PDIA5: variants seen among roughly 807,000 people sequenced by gnomAD.
PDIA5 encodes the protein protein disulfide-isomerase A5.
PDIA5 carries 58 observed loss-of-function variants against 77.6 expected under a neutral mutation model. The observed-to-expected ratio is 0.75, with a 90% CI of 0.61 to 0.93. PDIA5 has a LOEUF of 0.93. PDIA5 is among the 40% of genes least tolerant of loss of function. PDIA5 has a pLI of 0.00. For synonymous variants in PDIA5, 250 were observed against 252.1 expected (o/e 0.99, Z 0.08); for missense variants, 630 against 647.7 (o/e 0.97, Z 0.30).
chr3:123,129,592 TTAAGGTGC>T (rs1361789323), intron 10 of PDIA5, among the ~76,000 whole-genome samples: 23 of 152,340 alleles, frequency 1.5e-4, no homozygotes, highest in Non-Finnish European at 4.4e-5. Flanking sequence ...AAAGCTGCAA[TTAAGGTGC>T]TCTGGCAAAG....
chr3:123,139,773 A>G (rs957801143), intron 11 of PDIA5, among the ~76,000 whole-genome samples: 2 of 152,192 alleles, frequency 1.3e-5, no homozygotes, highest in Non-Finnish European at 2.9e-5. Flanking sequence ...TTGTGTGTAC[A>G]GGTGTAAACC....
At chr3:123,115,329 A>T (rs529510485) in intron 7 of PDIA5, among the ~76,000 whole-genome samples, 1 of 152,304 alleles carries the variant, frequency 6.6e-6, no homozygotes, top group East Asian at 1.9e-4. Flanking sequence ...AAGGAGTTTA[A>T]GGTCACTCTA....
At chr3:123,092,688 T>G (rs1934328825) in intron 3 of PDIA5, among the ~76,000 whole-genome samples, 1 of 152,126 alleles carries the variant, frequency 6.6e-6, no homozygotes, top group African/African-American at 2.4e-5. Flanking sequence ...TTTCTTCTAT[T>G]TCCATGTGTT....
chr3:123,106,533 G>T (rs559919320), intron 5 of PDIA5, among the ~76,000 whole-genome samples: 1 of 152,166 alleles, frequency 6.6e-6, no homozygotes, highest in East Asian at 1.9e-4. Context: ...GAAAAAGCCC[G>T]ATGGGAGTGG....
intron 10 of PDIA5, among the ~76,000 whole-genome samples, chr3:123,129,571 AG>A (rs1339962973): frequency 3.9e-5 from 6 of 152,198 alleles, no homozygotes; most frequent in African/African-American, 2.4e-5. Flanking sequence ...GTCATCCTTG[AG>A]GGTTTTTTCA....
At chr3:123,124,412 C>T (rs1185532697) in intron 10 of PDIA5, 69 bp downstream of exon 10, 18 of 1,105,042 alleles carry the variant, frequency 1.6e-5, no homozygotes, top group East Asian at 7.0e-5. Context: ...GCCTGAGGGT[C>T]GCAGGGCTCT....
In PDIA5 at chr3:123,109,358, A is replaced by C. The variant is rs545169124; in HGVS notation, c.481-1586A>C. ...TCAGGGTATGAAACCAAATTGCTATAGGCTCAATAAAAATCTCTTCTCAGG... is the reference window on the plus strand; with the variant it reads ...TCAGGGTATGAAACCAAATTGCTATCGGCTCAATAAAAATCTCTTCTCAGG... On this transcript the variant is annotated intron_variant, in intron 6 of 16. Transcript: ENST00000316218. Among the ~76,000 whole-genome samples the C allele has an allele frequency of 3.9e-5, 6 of 152,360 alleles. No homozygotes were observed. The South Asian group carries it at 1.2e-3, about 32-fold the overall frequency.
chr3:123,151,537 C>T (rs1935891927), intron 14 of PDIA5, among the ~76,000 whole-genome samples: 1 of 152,212 alleles, frequency 6.6e-6, no homozygotes, highest in Non-Finnish European at 1.5e-5. Flanking sequence ...AAATACTTTC[C>T]CCCAGACCTC....
intron 7 of PDIA5, among the ~76,000 whole-genome samples, chr3:123,114,929 C>G (rs1934959679): frequency 6.6e-6 from 1 of 152,184 alleles, no homozygotes; most frequent in Non-Finnish European, 1.5e-5. Flanking sequence ...CAGGAGGGGG[C>G]TGTGGGGCAG....
intron 10 of PDIA5, among the ~76,000 whole-genome samples, chr3:123,129,695 G>T (rs906003844): frequency 1.3e-5 from 2 of 152,160 alleles, no homozygotes; most frequent in Non-Finnish European, 2.9e-5. Context: ...GGGCCCCTGC[G>T]AGCCTCCCTC....
chr3:123,157,376 T>C (rs1290594925), intron 15 of PDIA5, among the ~76,000 whole-genome samples: 1 of 152,080 alleles, frequency 6.6e-6, no homozygotes, highest in Non-Finnish European at 1.5e-5. Flanking sequence ...AAATTTGTGG[T>C]TTTTAAGAGC....
intron 7 of PDIA5, 72 bp from the exon 8 acceptor site, chr3:123,116,159 G>A: frequency 8.2e-7 from 1 of 1,221,268 alleles, no homozygotes; most frequent in Non-Finnish European, 1.2e-6. Flanking sequence ...ATGGCCATGG[G>A]GAGGCAGGGC....
chr3:123,079,353 TGTATTTTTA>T (rs1348042163), intron 1 of PDIA5, among the ~76,000 whole-genome samples: 11 of 152,036 alleles, frequency 7.2e-5, no homozygotes, highest in Admixed American at 7.2e-4. Context: ...GCTAATTTTT[TGTATTTTTA>T]GTAGAGACGG....
intron 11 of PDIA5, among the ~76,000 whole-genome samples, chr3:123,141,493 C>T (rs1341732616): frequency 6.6e-6 from 1 of 152,172 alleles, no homozygotes; most frequent in Non-Finnish European, 1.5e-5. Flanking sequence ...AACTCTCGGG[C>T]GATAGACTCA....
chr3:123,077,004 T>A (rs1933873981), intron 1 of PDIA5, among the ~76,000 whole-genome samples: 1 of 152,240 alleles, frequency 6.6e-6, no homozygotes, highest in Non-Finnish European at 1.5e-5. Context: ...GGGGAGACAC[T>A]GTGCTGCGTA....
intron 1 of PDIA5, among the ~76,000 whole-genome samples, chr3:123,069,867 A>T (rs190544464): frequency 2.0e-5 from 3 of 152,220 alleles, no homozygotes; most frequent in Admixed American, 6.5e-5. Context: ...AGGCGGGTGG[A>T]TCACCTGAGG....
chr3:123,154,581 A>G (rs1935977771), intron 14 of PDIA5, among the ~76,000 whole-genome samples: 1 of 151,938 alleles, frequency 6.6e-6, no homozygotes, highest in African/African-American at 2.4e-5. Context: ...GAGATTTGCT[A>G]TTGTCCCTGG....
chr3:123,080,949 T>C (rs1372284565), intron 1 of PDIA5, among the ~76,000 whole-genome samples: 3 of 151,994 alleles, frequency 2.0e-5, no homozygotes, highest in Admixed American at 2.0e-4. Context: ...GCTACTTGAG[T>C]TCCAGCCATC....
chr3:123,129,165 G>GGGTC (rs1935313903), intron 10 of PDIA5, among the ~76,000 whole-genome samples: 1 of 152,196 alleles, frequency 6.6e-6, no homozygotes, highest in Non-Finnish European at 1.5e-5. Context: ...GTGTTTTGAG[G>GGGTC]GGTCAGTAGT....
Sources: allele counts gnomAD v4.1 joint callset (sites outside exome capture counted in the v4.1 genomes callset), GRCh38; gene constraint gnomAD v4.1.1; transcripts MANE v1.5; gene names NCBI Gene and HGNC (gene_info 2026-07-23, HGNC 2026-07-21).